Variants in MINAR1 observed in about 807,000 individuals in gnomAD.
MINAR1 encodes membrane integral NOTCH2 associated receptor 1, also known as major intrinsically disordered Notch2-binding receptor 1.
MINAR1 carries 40 observed loss-of-function variants against 65.1 expected under a neutral mutation model. That is an observed-to-expected ratio of 0.61 (90% confidence interval 0.48 to 0.80). The LOEUF is 0.80. Among genes scored for constraint, MINAR1 ranks in the 30% least tolerant of loss-of-function variants. The pLI is 0.00. For missense variants in MINAR1, 1,128 were observed against 1,148.0 expected, an observed-to-expected ratio of 0.98 and a Z score of 0.25; for synonymous variants, 482 against 449.1, an observed-to-expected ratio of 1.07 and a Z score of -0.93.
At chr15:79,411,748 G>T in the MINAR1 span, 4 of 460,704 alleles carry the variant, frequency 8.7e-6, no homozygotes, top group East Asian at 1.5e-4. Flanking sequence ...AGGGAGAGTT[G>T]CTTGGAGAAG....
Position 79,463,422 on chromosome 15 carries a change from C to T in MINAR1, c.2553+101C>T, listed in dbSNP as rs1294087751. On this transcript the variant is annotated intron_variant, in intron 3 of 3. Coordinates refer to ENST00000305428, the MANE Select transcript of MINAR1 (RefSeq NM_015206.3). ...GCTTAGACCGGCCAGCCCACTTCCACACCCTTCAACTCCCTGGGCCCCCAA... is the reference window on the plus strand; with the variant it reads ...GCTTAGACCGGCCAGCCCACTTCCATACCCTTCAACTCCCTGGGCCCCCAA... The T allele has an allele frequency of 5.2e-6, 7 of 1,351,532 alleles. No homozygotes were observed. In the African/African-American group the frequency reaches 7.2e-5, roughly 14 times the overall value. 83.7% of individuals were successfully genotyped at this position (1,351,532 alleles called of 1,614,324 possible). A position where few individuals can be genotyped will look rare whatever the true frequency, so the allele number is the denominator to read the frequency against.
the MINAR1 span, chr15:79,416,067 A>G: frequency 2.0e-5 from 3 of 152,194 alleles, no homozygotes; most frequent in Non-Finnish European, 4.4e-5. Context: ...TTTTGTTCAC[A>G]TAGCGTATCT....
chr15:79,422,197 A>C, the MINAR1 span: 1 of 152,138 alleles, frequency 6.6e-6, no homozygotes, highest in African/African-American at 2.4e-5. Flanking sequence ...TCAAGGAGTA[A>C]GTTCTTATTT....
At chr15:79,444,449 A>G (rs929540638) in intron 1 of MINAR1, among the ~76,000 whole-genome samples, 2 of 151,978 alleles carry the variant, frequency 1.3e-5, no homozygotes, top group African/African-American at 2.4e-5. Context: ...TTCTCGTAAC[A>G]TTAGTTGCTT....
chr15:79,419,392 T>G, the MINAR1 span: 1 of 152,288 alleles, frequency 6.6e-6, no homozygotes, highest in Admixed American at 6.5e-5. Flanking sequence ...GGTGCCAGAC[T>G]TCAAGTGGGA....
chr15:79,441,846 TTTC>T (rs1894878931), intron 1 of MINAR1, among the ~76,000 whole-genome samples: 2 of 152,298 alleles, frequency 1.3e-5, no homozygotes, highest in South Asian at 4.1e-4. Flanking sequence ...ACATTTTTAT[TTTC>T]TTTAGATTTA....
Position 79,457,448 on chromosome 15 carries a change from G to T in MINAR1, c.1301G>T (p.Gly434Val). The T allele has an allele frequency of 6.2e-7, 1 of 1,614,100 alleles. No homozygotes were observed. Residue 434 changes from glycine to valine, a missense_variant, in exon 2 of 4, where the codon GGG becomes GTG. Transcript: ENST00000305428. ...LPIAYAAKQN[G>V]LKSKEISSPV... ...ATTGCTTATGCGGCAAAACAAAATG[G>T]GCTCAAATCTAAAGAGATCTCATCC...
In MINAR1 at chr15:79,457,820, G is replaced by A. The variant is rs756494606; in HGVS notation, c.1673G>A (p.Ser558Asn). The A allele has an allele frequency of 1.2e-5, 20 of 1,614,028 alleles. No individual in the cohort carries two copies. The highest frequency in any genetic ancestry group is 1.6e-5 in the Non-Finnish European group (19 of 1,180,042). ...CAGCTCCATAAGTCAGACTGCGACA[G>A]TTCCCCTGAGCACAACTTAACCAAA... ...LSQLHKSDCD[S>N]SPEHNLTKIA... The change falls in exon 2 of 4, where the codon AGT becomes AAT. Residue 558 changes from serine to asparagine, a missense_variant. Transcript: ENST00000305428.
At chr15:79,452,453 G>T (rs1237753864) in intron 1 of MINAR1, among the ~76,000 whole-genome samples, 4 of 149,450 alleles carry the variant, frequency 2.7e-5, no homozygotes, top group African/African-American at 9.9e-5. Flanking sequence ...AGTGTGTGTG[G>T]GTGTGAGTCT....
intron 3 of MINAR1, among the ~76,000 whole-genome samples, chr15:79,464,739 CCCTAAGCCCTT>C (rs568349846): frequency 3.1e-4 from 47 of 152,158 alleles, no homozygotes; most frequent in Middle Eastern, 3.2e-3. Context: ...TCAGTAGCAA[CCCTAAGCCCTT>C]CCTCACCCCC....
intron 1 of MINAR1, among the ~76,000 whole-genome samples, chr15:79,448,276 G>A (rs559508959): frequency 6.6e-5 from 10 of 152,280 alleles, no homozygotes; most frequent in East Asian, 1.9e-4. Context: ...GCAGGTATAC[G>A]TCTTGAGAAA....
At position 79,457,442 on chromosome 15, in the gene MINAR1, A is replaced by T. The variant is rs1044931661; in HGVS notation, c.1295A>T (p.Gln432Leu). 6.2e-7 allele frequency: 1 copy of T among 1,614,138 alleles called. No homozygotes were observed. The highest frequency in any genetic ancestry group is 1.3e-5 in the African/African-American group (1 of 74,948). The stretch of plus-strand genomic sequence containing the variant: ...CTCCCCATTGCTTATGCGGCAAAAC[A>T]AAATGGGCTCAAATCTAAAGAGATC... ...PILPIAYAAK[Q>L]NGLKSKEISS... The change falls in exon 2 of 4, where the codon CAA becomes CTA. Residue 432 changes from glutamine to leucine, a missense_variant. Coordinates refer to ENST00000305428, the MANE Select transcript of MINAR1 (RefSeq NM_015206.3).
At chr15:79,428,676 A>G (rs1011888158), upstream of MINAR1, among the ~76,000 whole-genome samples, 4 of 152,198 alleles carry the variant, frequency 2.6e-5, no homozygotes, top group African/African-American at 9.7e-5. Context: ...AGATGATAAA[A>G]CTGAAGCTCA....
At chr15:79,453,166 C>T (rs369047589) in intron 1 of MINAR1, among the ~76,000 whole-genome samples, 6 of 152,090 alleles carry the variant, frequency 3.9e-5, no homozygotes, top group African/African-American at 1.4e-4. Context: ...CCGTGCCCCC[C>T]TCTCTGAGCT....
intron 1 of MINAR1, among the ~76,000 whole-genome samples, chr15:79,453,412 CCTCT>C (rs1895305689): frequency 6.9e-6 from 1 of 144,052 alleles, no homozygotes; most frequent in Admixed American, 7.1e-5. Flanking sequence ...ATAGTTACTT[CCTCT>C]CTGAGTTCCT....
chr15:79,465,711 G>T (rs1347570251), intron 3 of MINAR1, among the ~76,000 whole-genome samples: 1 of 151,944 alleles, frequency 6.6e-6, no homozygotes, highest in East Asian at 1.9e-4. Flanking sequence ...AGAAGAGCAG[G>T]TTGTTCTACC....
At chr15:79,434,949 G>A (rs180788229) in intron 1 of MINAR1, among the ~76,000 whole-genome samples, 259 of 152,198 alleles carry the variant, frequency 1.7e-3, no homozygotes, top group African/African-American at 5.7e-3. Flanking sequence ...CTTCTCTCTC[G>A]AAGAGTAGAA....
intron 3 of MINAR1, among the ~76,000 whole-genome samples, chr15:79,467,172 T>TTTAAAACTTTGAAAGGTTTG: frequency 6.6e-6 from 1 of 152,268 alleles, no homozygotes; most frequent in East Asian, 1.9e-4. Context: ...AACTGAGTTT[T>TTTAAAACTTTGAAAGGTTTG]TTAAAACTTT....
chr15:79,447,290 A>G (rs1895051976), intron 1 of MINAR1, among the ~76,000 whole-genome samples: 1 of 152,116 alleles, frequency 6.6e-6, no homozygotes, highest in South Asian at 2.1e-4. Context: ...TAGATCTAAT[A>G]TGCTATTTAA....
Sources: allele counts gnomAD v4.1 joint callset (sites outside exome capture counted in the v4.1 genomes callset), GRCh38; gene constraint gnomAD v4.1.1; transcripts MANE v1.5; gene names NCBI Gene and HGNC (gene_info 2026-07-23, HGNC 2026-07-21).